ADAMTS18: variants seen among roughly 807,000 people sequenced by gnomAD.
ADAMTS18 encodes the protein A disintegrin and metalloproteinase with thrombospondin motifs 18.
ADAMTS18 carries 157 observed loss-of-function variants against 165.9 expected under a neutral mutation model. The observed-to-expected ratio is 0.95, with a 90% CI of 0.83 to 1.08. The LOEUF (loss-of-function observed/expected upper bound fraction) is 1.08. Among genes scored for constraint, ADAMTS18 ranks in the 50% least tolerant of loss-of-function variants. The pLI, the probability that ADAMTS18 is intolerant of heterozygous loss-of-function variation, is 0.00. For missense variants in ADAMTS18, 2,040 were observed against 1,534.0 expected, an observed-to-expected ratio of 1.33 and a Z score of -5.51; for synonymous variants, 782 against 578.2, an observed-to-expected ratio of 1.35 and a Z score of -5.06.
chr16:77,334,706 T>TGTATACTATA (rs1353344981), intron 12 of ADAMTS18, among the ~76,000 whole-genome samples: 1 of 106,848 alleles, frequency 9.4e-6, no homozygotes, highest in African/African-American at 3.6e-5. Flanking sequence ...ATATATATAC[T>TGTATACTATA]GTATACTATA....
At chr16:77,355,081 G>C (rs1358023857) in intron 9 of ADAMTS18, among the ~76,000 whole-genome samples, 1 of 152,040 alleles carries the variant, frequency 6.6e-6, no homozygotes, top group Non-Finnish European at 1.5e-5. Flanking sequence ...CAGTGGTACA[G>C]GTTAAAAATA....
At chr16:77,391,848 T>C (rs2057191907) in intron 3 of ADAMTS18, among the ~76,000 whole-genome samples, 1 of 152,208 alleles carries the variant, frequency 6.6e-6, no homozygotes. Context: ...TTTCACTTTC[T>C]GAGTTTTCTA....
In ADAMTS18 at chr16:77,355,981, T is replaced by C. The variant is rs564104439; in HGVS notation, c.1419A>G (p.Ser473=). ...GATACTGGCGGCTGCAGGAAGACCA[T>C]GAAAACACTCCATTGTTTCCGGTCA... is the stretch of plus-strand genomic sequence containing the variant. ...PTLTGNNGVF[S]WSSCSRQYLK... Residue 473 remains serine (S), a synonymous_variant, in exon 9 of 23, where the codon TCA becomes TCG. Coordinates refer to ENST00000282849, the MANE Select transcript of ADAMTS18 (RefSeq NM_199355.4). The C allele has an allele frequency of 2.7e-5, 44 of 1,614,116 alleles. No homozygotes were observed. In the South Asian group the frequency reaches 4.1e-4, roughly 15 times the overall value.
chr16:77,289,903 T>A (rs2055329851), intron 21 of ADAMTS18, among the ~76,000 whole-genome samples: 1 of 152,170 alleles, frequency 6.6e-6, no homozygotes. Flanking sequence ...AGTTGGTGCT[T>A]CTTAGGAGTC....
intron 16 of ADAMTS18, among the ~76,000 whole-genome samples, chr16:77,317,705 C>T (rs1384457265): frequency 6.6e-6 from 1 of 152,182 alleles, no homozygotes; most frequent in Non-Finnish European, 1.5e-5. Flanking sequence ...TAACTCAACA[C>T]ACAGAACACA....
chr16:77,429,779 A>G (rs1366763044), intron 3 of ADAMTS18, among the ~76,000 whole-genome samples: 1 of 152,220 alleles, frequency 6.6e-6, no homozygotes, highest in South Asian at 2.1e-4. Flanking sequence ...AATTTTGCTG[A>G]AAATAGAACA....
rs931030783 is a variant in ADAMTS18 at position 77,289,387 on chromosome 16, C to A, written c.3427G>T (p.Val1143Phe). The change falls in exon 22 of 23, where the codon GTC (valine) becomes TTC (phenylalanine). Residue 1143 changes from valine to phenylalanine, a missense_variant. Val to Phe is a conservative substitution (Grantham distance 50). Coordinates refer to ENST00000282849, the MANE Select transcript of ADAMTS18 (RefSeq NM_199355.4). ...QQCTVTCGGG[V>F]QTRSVHCVQQ... ...ACACAGTGGACTGACCGGGTCTGGA[C>A]CCCTCCCCCACAGGTGACTGTGCAC... 2 of 1,613,926 alleles carry A rather than the reference C, an allele frequency of 1.2e-6. No homozygotes were observed. Among genetic ancestry groups the A allele is most frequent in the Non-Finnish European group, 8.5e-7 (1 of 1,180,002 alleles).
intron 10 of ADAMTS18, among the ~76,000 whole-genome samples, chr16:77,349,729 A>G (rs1188765601): frequency 6.6e-6 from 1 of 152,186 alleles, no homozygotes; most frequent in Non-Finnish European, 1.5e-5. Flanking sequence ...TGGCAGATAC[A>G]TATCCTAAAA....
At chr16:77,408,026 A>G (rs1457935103) in intron 3 of ADAMTS18, among the ~76,000 whole-genome samples, 1 of 152,164 alleles carries the variant, frequency 6.6e-6, no homozygotes, top group Non-Finnish European at 1.5e-5. Context: ...TGCCATACCC[A>G]GAAAAATCTA....
chr16:77,411,988 A>C (rs1405074045), intron 3 of ADAMTS18, among the ~76,000 whole-genome samples: 1 of 151,888 alleles, frequency 6.6e-6, no homozygotes, highest in Non-Finnish European at 1.5e-5. Context: ...GAGCCCAGCC[A>C]GTGCCCAAAG....
At chr16:77,353,676 G>C in intron 10 of ADAMTS18, 57 bp downstream of exon 10, 1 of 1,610,952 alleles carries the variant, frequency 6.2e-7, no homozygotes, top group Non-Finnish European at 8.5e-7. Flanking sequence ...ACTTCTGTTA[G>C]GGACACAGAC....
At chr16:77,369,664 T>A (rs901286198) in intron 3 of ADAMTS18, among the ~76,000 whole-genome samples, 13 of 152,184 alleles carry the variant, frequency 8.5e-5, no homozygotes, top group African/African-American at 3.1e-4. Context: ...TTCTATCAAA[T>A]TTAAGGAAGA....
intron 12 of ADAMTS18, among the ~76,000 whole-genome samples, chr16:77,326,700 GTTTTTAAAT>G (rs1405635225): frequency 6.6e-6 from 1 of 152,156 alleles, no homozygotes; most frequent in Non-Finnish European, 1.5e-5. Context: ...ATATTCTTTT[GTTTTTAAAT>G]TTTTTAAATT....
chr16:77,414,086 A>T (rs948539393), intron 3 of ADAMTS18, among the ~76,000 whole-genome samples: 1 of 152,238 alleles, frequency 6.6e-6, no homozygotes, highest in Non-Finnish European at 1.5e-5. Flanking sequence ...TTCTGCAGAG[A>T]AACAGAACCA....
At chr16:77,382,726 T>G (rs1411304875) in intron 3 of ADAMTS18, among the ~76,000 whole-genome samples, 2 of 152,178 alleles carry the variant, frequency 1.3e-5, no homozygotes, top group African/African-American at 4.8e-5. Flanking sequence ...AGGCTGTTGG[T>G]GAACTGTGAA....
chr16:77,370,716 C>T (rs1340185131), intron 3 of ADAMTS18, among the ~76,000 whole-genome samples: 2 of 152,052 alleles, frequency 1.3e-5, no homozygotes, highest in Non-Finnish European at 2.9e-5. Flanking sequence ...TGCCACTGCA[C>T]TCCAGCGTGG....
At chr16:77,424,044 C>A (rs1249863991) in intron 3 of ADAMTS18, among the ~76,000 whole-genome samples, 3 of 152,170 alleles carry the variant, frequency 2.0e-5, no homozygotes, top group Admixed American at 6.5e-5. Flanking sequence ...TCTTCACAAT[C>A]TTATGAGAGA....
chr16:77,376,776 T>C (rs972096277), intron 3 of ADAMTS18, among the ~76,000 whole-genome samples: 2 of 151,970 alleles, frequency 1.3e-5, no homozygotes, highest in African/African-American at 4.8e-5. Flanking sequence ...GAACAGGTGT[T>C]TTCTATTTTA....
At chr16:77,384,547 T>C (rs771395989) in intron 3 of ADAMTS18, among the ~76,000 whole-genome samples, 19 of 152,172 alleles carry the variant, frequency 1.2e-4, no homozygotes, top group Non-Finnish European at 2.2e-4. Flanking sequence ...CTGAGGGTAG[T>C]GTTTGAACTT....
Sources: allele counts gnomAD v4.1 joint callset (sites outside exome capture counted in the v4.1 genomes callset), GRCh38; gene constraint gnomAD v4.1.1; transcripts MANE v1.5; gene names NCBI Gene and HGNC (gene_info 2026-07-23, HGNC 2026-07-21).